The following COL9A1 variants were observed in gnomAD, a reference collection of about 807,000 sequenced individuals.
The protein encoded by COL9A1 is collagen type IX alpha 1 chain.
Under a neutral mutation model 142.6 loss-of-function variants are expected in COL9A1, and 104 were observed. The ratio of observed to expected loss-of-function variants is 0.73; its 90% CI spans 0.62 to 0.86. The LOEUF is 0.86. Among genes scored for constraint, COL9A1 ranks in the 40% least tolerant of loss-of-function variants. The pLI, the probability that COL9A1 is intolerant of heterozygous loss-of-function variation, is 0.00. For missense variants in COL9A1, 1,210 were observed against 1,176.6 expected, an observed-to-expected ratio of 1.03 and a Z score of -0.42; for synonymous variants, 466 against 396.0, an observed-to-expected ratio of 1.18 and a Z score of -2.10.
At chr6:70,285,330 T>C (rs528271476) in intron 5 of COL9A1, among the ~76,000 whole-genome samples, 1 of 152,358 alleles carries the variant, frequency 6.6e-6, no homozygotes, top group Admixed American at 6.5e-5. Context: ...CTAATAATCA[T>C]CTATACAACA....
In COL9A1 at chr6:70,266,744, A is replaced by G; in HGVS notation, c.1314T>C (p.Ile438=). The change falls in exon 18 of 38, where the codon ATT becomes ATC. Residue 438 remains isoleucine (I), a synonymous_variant. Coordinates refer to ENST00000357250, the MANE Select transcript of COL9A1 (RefSeq NM_001851.6). ...MRGHKGAKGE[I]GEPGRQGHKG... ...TGTGTCCTTGTCTTCCTGGTTCACC[A>G]ATTTCTCCTTTAGCCCCTTTATGAC... 6.2e-7 allele frequency: 1 copy of G among 1,613,504 alleles called. No homozygotes were observed. The highest frequency in any genetic ancestry group is 8.5e-7 in the Non-Finnish European group (1 of 1,179,526).
intron 12 of COL9A1, among the ~76,000 whole-genome samples, chr6:70,273,582 G>A (rs1394418159): frequency 3.9e-5 from 6 of 152,068 alleles, no homozygotes; most frequent in Non-Finnish European, 8.8e-5. Flanking sequence ...GCCATATTGT[G>A]CAAATGCAGA....
Position 70,254,627 on chromosome 6 carries a change from T to C in COL9A1, c.1666-98A>G. On this transcript the variant is annotated intron_variant, in intron 24 of 37. Coordinates refer to ENST00000357250, the MANE Select transcript of COL9A1 (RefSeq NM_001851.6). ...ACAGACGTTTTAAGTAAAAGGATTG[T>C]CCCAACAGCTGACTTTACATGCACT... The C allele has an allele frequency of 2.7e-6, 3 of 1,112,116 alleles. No homozygotes were observed. The South Asian group carries it at 3.8e-5, about 14-fold the overall frequency. The allele number at this position is 1,112,116 out of a possible 1,614,324, so 68.9% of individuals were successfully genotyped here.
At chr6:70,226,220 C>T (rs1769216911) in intron 36 of COL9A1, among the ~76,000 whole-genome samples, 1 of 152,032 alleles carries the variant, frequency 6.6e-6, no homozygotes, top group Admixed American at 6.6e-5. Context: ...TTCATAGATA[C>T]TGGAATGACA....
In COL9A1 at chr6:70,294,492, A is replaced by G. The variant is rs575640049; in HGVS notation, c.371T>C (p.Leu124Pro). ...CTGCCAAATGTTCCAGTTCTTTTTG[A>G]GAGTGCTTCCAGTCATTCGAAACGT... ...LTTFRMTGST[L>P]KKNWNIWQIQ... Residue 124 changes from leucine to proline, a missense_variant, in exon 5 of 38, where the codon CTC (leucine) becomes CCC (proline). Transcript: ENST00000357250. 2.5e-6 allele frequency: 4 copies of G among 1,614,108 alleles called. No homozygotes were observed. The East Asian group carries it at 8.9e-5, about 36-fold the overall frequency.
chr6:70,271,723 T>C lies in COL9A1; in HGVS notation c.1090-15A>G, dbSNP rs1319030395. ...CCAGGAGGACCCTGAAGTCAACAAA[T>C]CAAAGCAAATGGTCATTTATGAATA... On this transcript the variant is annotated splice_polypyrimidine_tract_variant and intron_variant, in intron 13 of 37. Transcript: ENST00000357250. 1.2e-6 allele frequency: 2 copies of C among 1,612,108 alleles called. No homozygotes were observed. The highest frequency in any genetic ancestry group is 1.7e-5 in the Admixed American group (1 of 59,972).
At chr6:70,251,865 C>T (rs1770966961) in intron 28 of COL9A1, among the ~76,000 whole-genome samples, 1 of 152,142 alleles carries the variant, frequency 6.6e-6, no homozygotes, top group African/African-American at 2.4e-5. Context: ...CTTTTTAAAT[C>T]ACACTAAAAT....
chr6:70,232,951 T>G (rs903759957), intron 35 of COL9A1, among the ~76,000 whole-genome samples, 180 bp from the exon 36 acceptor site: 2 of 152,188 alleles, frequency 1.3e-5, no homozygotes, highest in Non-Finnish European at 2.9e-5. Flanking sequence ...AAAGCTTCGC[T>G]GGTGCTGTTT....
chr6:70,292,600 A>G (rs1773698896), intron 5 of COL9A1, among the ~76,000 whole-genome samples: 1 of 152,236 alleles, frequency 6.6e-6, no homozygotes, highest in Non-Finnish European at 1.5e-5. Context: ...TCTGGCAATA[A>G]GACAATTTAA....
At chr6:70,238,035 G>C (rs867908311) in intron 33 of COL9A1, among the ~76,000 whole-genome samples, 1 of 152,218 alleles carries the variant, frequency 6.6e-6, no homozygotes, top group Non-Finnish European at 1.5e-5. Flanking sequence ...GATGAGGTTC[G>C]TGGAGCAAAG....
In COL9A1 at chr6:70,283,837, G is replaced by C. The variant is rs1209668362; in HGVS notation, c.697-17C>G. ...AAGTTCAAACTGGAGAAAGGTAGTA[G>C]ACAGTCAGGTAAGGTTTTTTGGACG... is the stretch of plus-strand genomic sequence containing the variant. On this transcript the variant is annotated splice_polypyrimidine_tract_variant and intron_variant, in intron 5 of 37. Coordinates refer to ENST00000357250, the MANE Select transcript of COL9A1 (RefSeq NM_001851.6). 3 of 1,585,608 alleles carry C rather than the reference G, an allele frequency of 1.9e-6. No homozygotes were observed. Among genetic ancestry groups the C allele is most frequent in the Non-Finnish European group, 2.6e-6 (3 of 1,161,428 alleles).
intron 10 of COL9A1, 105 bp from the exon 11 acceptor site, chr6:70,274,877 A>G (rs1772653919): frequency 5.9e-6 from 5 of 851,282 alleles, no homozygotes; most frequent in African/African-American, 3.4e-5. Flanking sequence ...GGATGGTTAC[A>G]TAAGTATGAT....
intron 17 of COL9A1, 78 bp from the exon 18 acceptor site, chr6:70,266,848 C>T (rs1018666343): frequency 1.4e-5 from 17 of 1,190,414 alleles, no homozygotes; most frequent in Non-Finnish European, 2.0e-5. Flanking sequence ...GATCCTGCTT[C>T]CCTAAATCAG....
At chr6:70,254,621 G>C in intron 24 of COL9A1, 92 bp from the exon 25 acceptor site, 1 of 1,234,508 alleles carries the variant, frequency 8.1e-7, no homozygotes, top group Non-Finnish European at 1.2e-6. Flanking sequence ...TTAAGTAAAA[G>C]GATTGTCCCA....
At chr6:70,276,728 A>G (rs1772789231) in intron 10 of COL9A1, among the ~76,000 whole-genome samples, 1 of 152,160 alleles carries the variant, frequency 6.6e-6, no homozygotes. Context: ...AGATGTGATT[A>G]CTGCCTACAA....
chr6:70,268,093 A>T (rs1772147130), intron 17 of COL9A1, among the ~76,000 whole-genome samples: 1 of 152,202 alleles, frequency 6.6e-6, no homozygotes, highest in Admixed American at 6.5e-5. Context: ...ATACTTTGGG[A>T]AAGTCTCTTT....
rs777952773 is a variant in COL9A1 at position 70,270,334 on chromosome 6, G to C, written c.1177C>G (p.Pro393Ala). The C allele has an allele frequency of 6.2e-6, 10 of 1,613,640 alleles. No homozygotes were observed. The highest frequency in any genetic ancestry group is 2.7e-5 in the African/African-American group (2 of 74,860). The part of the protein sequence containing the change: ...DPGRRGPPGP[P>A]GPPGPRGTIG... ...CTTACTCTGGGTCCTGGGGGGCCAG[G>C]GGGGCCAGGTGGTCCTCTTCTCCCA... Residue 393 changes from proline to alanine, a missense_variant, in exon 15 of 38, where the codon CCT becomes GCT. Coordinates refer to ENST00000357250, the MANE Select transcript of COL9A1 (RefSeq NM_001851.6).
rs1460219555 is a variant in COL9A1, at chr6:70,281,392, C to G, written c.874G>C (p.Asp292His). The change falls in exon 8 of 38, where the codon GAC (aspartate) becomes CAC (histidine). Residue 292 changes from aspartate (D) to histidine (H), a missense_variant and splice_region_variant. Transcript: ENST00000357250. ...GTGGCCTGGAGATAGAAACTTACGT[C>G]GATGCCATCGATGCCTGGAACTCCA... ...PPGVPGIDGI[D>H]GDRGPKGPPG... is the part of the protein sequence containing the mutation. 4 of 1,611,882 alleles carry G rather than the reference C, an allele frequency of 2.5e-6. No homozygotes were observed. Among genetic ancestry groups the G allele is most frequent in the African/African-American group, 1.3e-5 (1 of 74,520 alleles).
chr6:70,265,021 C>T (rs573603142), intron 18 of COL9A1, among the ~76,000 whole-genome samples: 2 of 152,072 alleles, frequency 1.3e-5, no homozygotes, highest in South Asian at 2.1e-4. Flanking sequence ...GCCATCCTAT[C>T]GATTTTCAAA....
Sources: allele counts gnomAD v4.1 joint callset (sites outside exome capture counted in the v4.1 genomes callset), GRCh38; gene constraint gnomAD v4.1.1; transcripts MANE v1.5; gene names NCBI Gene and HGNC (gene_info 2026-07-23, HGNC 2026-07-21).